The following CNTNAP2 variants were observed in gnomAD, a reference collection of about 807,000 sequenced individuals.
CNTNAP2 encodes the protein contactin associated protein 2, also known as contactin-associated protein-like 2.
Under a neutral mutation model 155.2 loss-of-function variants are expected in CNTNAP2, and 98 were observed. The ratio of observed to expected loss-of-function variants is 0.63; its 90% CI spans 0.54 to 0.75. The LOEUF (loss-of-function observed/expected upper bound fraction) is 0.75. Ranked by LOEUF, CNTNAP2 falls within the 30% of genes least tolerant of loss-of-function variation. The pLI is 0.00. For missense variants in CNTNAP2, 1,727 were observed against 1,688.1 expected (o/e 1.02, Z -0.40); for synonymous variants, 651 against 631.2 (o/e 1.03, Z -0.47).
chr7:147,792,514 G>A (rs573694296), intron 13 of CNTNAP2, among the ~76,000 whole-genome samples: 150 of 150,992 alleles, frequency 9.9e-4, no homozygotes, highest in African/African-American at 2.8e-3. Flanking sequence ...GTGTGTGTGT[G>A]TATATATATA....
chr7:147,897,182 C>A (rs186331493), intron 13 of CNTNAP2: 3 of 152,230 alleles, frequency 2.0e-5, no homozygotes, highest in African/African-American at 7.2e-5. Flanking sequence ...TGAGAATGTC[C>A]TAATTTTTAC....
rs192766656 is a variant in CNTNAP2 at position 147,905,603 on chromosome 7, C to T, written c.2255+1882C>T. 3.0e-3 allele frequency among the ~76,000 whole-genome samples: 462 copies of T among 152,282 alleles called. 1 individual carries two copies. The highest frequency in any genetic ancestry group is 0.01 in the African/African-American group (428 of 41,550). Reference sequence around the variant, plus strand: ...ATACAACAAAAACTAATGAAAGTGGCGGGGCGTAGTGGCTCACGCCTATAA... The same window carrying T: ...ATACAACAAAAACTAATGAAAGTGGTGGGGCGTAGTGGCTCACGCCTATAA... On this transcript the variant is annotated intron_variant, in intron 14 of 23. Transcript: ENST00000361727.
At chr7:147,338,472 C>G (rs35762842) in intron 9 of CNTNAP2, among the ~76,000 whole-genome samples, 33,341 of 151,820 alleles carry the variant, frequency 0.22, 4,151 homozygotes, top group Non-Finnish European at 0.28. Context: ...AAAGAGTGCT[C>G]TTTATTTTAT....
chr7:147,539,959 G>A (rs138423029), intron 11 of CNTNAP2, among the ~76,000 whole-genome samples: 2 of 152,196 alleles, frequency 1.3e-5, no homozygotes, highest in East Asian at 1.9e-4. Flanking sequence ...AAGGAAATTC[G>A]TAATAAAATT....
chr7:146,878,030 A>T (rs1795463772), intron 3 of CNTNAP2, among the ~76,000 whole-genome samples: 1 of 152,160 alleles, frequency 6.6e-6, no homozygotes, highest in South Asian at 2.1e-4. Flanking sequence ...GTATTCTTTC[A>T]TTTTAAAATG....
chr7:148,314,052 G>A (rs940809749), intron 21 of CNTNAP2, among the ~76,000 whole-genome samples: 1 of 152,128 alleles, frequency 6.6e-6, no homozygotes, highest in South Asian at 2.1e-4. Context: ...TGTGAGGAGG[G>A]GAGATGATAA....
intron 19 of CNTNAP2, among the ~76,000 whole-genome samples, chr7:148,222,722 G>C (rs1053467743): frequency 6.6e-6 from 1 of 152,128 alleles, no homozygotes; most frequent in African/African-American, 2.4e-5. Context: ...TGCTTAAAAG[G>C]GATCTTGTAT....
chr7:147,887,667 T>C (rs1799624390), intron 13 of CNTNAP2, among the ~76,000 whole-genome samples: 2 of 152,088 alleles, frequency 1.3e-5, no homozygotes, highest in African/African-American at 4.8e-5. Flanking sequence ...TTTCAGTGGC[T>C]ATATGAGGAA....
intron 13 of CNTNAP2, among the ~76,000 whole-genome samples, chr7:147,715,152 C>T (rs1028773506): frequency 1.3e-5 from 2 of 152,112 alleles, no homozygotes; most frequent in African/African-American, 4.8e-5. Flanking sequence ...TTATCAATTT[C>T]TGCATGAAAT....
intron 3 of CNTNAP2, among the ~76,000 whole-genome samples, chr7:146,869,533 T>C (rs1368136783): frequency 1.3e-5 from 2 of 152,116 alleles, no homozygotes; most frequent in East Asian, 1.9e-4. Context: ...AGTCCCATGA[T>C]AGGCCATCTG....
At chr7:148,226,021 C>T (rs1350059049) in intron 19 of CNTNAP2, among the ~76,000 whole-genome samples, 1 of 152,100 alleles carries the variant, frequency 6.6e-6, no homozygotes, top group Non-Finnish European at 1.5e-5. Flanking sequence ...AAAGAGTCTC[C>T]TCAATGCCAC....
intron 3 of CNTNAP2, among the ~76,000 whole-genome samples, chr7:146,872,162 AT>A (rs144291754): frequency 0.3 from 33,623 of 111,378 alleles, 3,679 homozygotes; most frequent in Admixed American, 0.39. Flanking sequence ...AAATTATTGA[AT>A]TTTTTTTTTT....
At chr7:147,746,142 A>C (rs1797039683) in intron 13 of CNTNAP2, among the ~76,000 whole-genome samples, 2 of 152,188 alleles carry the variant, frequency 1.3e-5, no homozygotes, top group Admixed American at 6.5e-5. Context: ...CTTCTGTGGG[A>C]GAATAACAAA....
At chr7:146,852,594 A>G (rs1359385563) in intron 3 of CNTNAP2, among the ~76,000 whole-genome samples, 1 of 152,156 alleles carries the variant, frequency 6.6e-6, no homozygotes, top group Admixed American at 6.5e-5. Flanking sequence ...ATTCTTTGAG[A>G]TATAGTAATT....
chr7:146,451,568 T>C (rs1463525346), intron 1 of CNTNAP2, among the ~76,000 whole-genome samples: 1 of 152,150 alleles, frequency 6.6e-6, no homozygotes, highest in Non-Finnish European at 1.5e-5. Flanking sequence ...TGTCACTGTC[T>C]TGAAATTCTT....
At chr7:148,093,599 C>T (rs117828186) in intron 15 of CNTNAP2, among the ~76,000 whole-genome samples, 163 of 152,342 alleles carry the variant, frequency 1.1e-3, no homozygotes, top group Middle Eastern at 6.8e-3. Context: ...TTGTCCCTTA[C>T]ACATACCTTC....
chr7:148,261,560 G>A (rs1796562297), intron 20 of CNTNAP2, among the ~76,000 whole-genome samples: 1 of 152,228 alleles, frequency 6.6e-6, no homozygotes, highest in South Asian at 2.1e-4. Flanking sequence ...CCTTGCTGGA[G>A]AAGGTGTGTC....
chr7:146,807,818 A>G (rs1802995138), intron 2 of CNTNAP2, among the ~76,000 whole-genome samples: 2 of 152,014 alleles, frequency 1.3e-5, no homozygotes. Context: ...GTTCTTCCCA[A>G]CACTCATAGA....
chr7:147,961,490 T>C (rs1464210910), intron 14 of CNTNAP2, among the ~76,000 whole-genome samples: 1 of 152,190 alleles, frequency 6.6e-6, no homozygotes, highest in Non-Finnish European at 1.5e-5. Context: ...AGCATGGGGC[T>C]TGTGAACTAA....
Sources: allele counts gnomAD v4.1 joint callset (sites outside exome capture counted in the v4.1 genomes callset), GRCh38; gene constraint gnomAD v4.1.1; transcripts MANE v1.5; gene names NCBI Gene and HGNC (gene_info 2026-07-23, HGNC 2026-07-21).